The following ERBB4 variants were observed in gnomAD, a reference collection of about 807,000 sequenced individuals.
The protein encoded by ERBB4 is erb-b2 receptor tyrosine kinase 4.
A neutral mutation model predicts 158.0 loss-of-function variants in ERBB4; 42 were observed. The ratio of observed to expected loss-of-function variants is 0.27; its 90% confidence interval spans 0.21 to 0.34. The LOEUF is 0.34. Ranked by LOEUF, ERBB4 falls within the 10% of genes least tolerant of loss-of-function variation. The pLI is 1.00. For missense variants in ERBB4, 1,333 were observed against 1,624.1 expected (o/e 0.82, Z 3.08); for synonymous variants, 583 against 558.7 (o/e 1.04, Z -0.61).
chr2:211,783,878 C>A (rs2076095128), intron 4 of ERBB4, among the ~76,000 whole-genome samples: 1 of 152,090 alleles, frequency 6.6e-6, no homozygotes, highest in Non-Finnish European at 1.5e-5. Flanking sequence ...ATGATGCTGG[C>A]CTCATAAAAT....
intron 3 of ERBB4, among the ~76,000 whole-genome samples, chr2:211,814,126 C>A (rs1334730940): frequency 6.6e-6 from 1 of 152,052 alleles, no homozygotes; most frequent in Non-Finnish European, 1.5e-5. Context: ...AGTCTAAATA[C>A]AAATATAAAT....
intron 20 of ERBB4, among the ~76,000 whole-genome samples, chr2:211,476,203 C>T (rs1435468447): frequency 5.9e-5 from 9 of 151,992 alleles, no homozygotes; most frequent in Admixed American, 6.6e-5. Flanking sequence ...AGGCTCTGAG[C>T]TTTGGACAGC....
chr2:212,308,332 G>A (rs72947336), intron 1 of ERBB4, among the ~76,000 whole-genome samples: 5,595 of 151,108 alleles, frequency 0.037, 142 homozygotes, highest in South Asian at 0.083. Context: ...GCAGAGGACA[G>A]CAAGAATCCT....
chr2:212,404,995 T>C (rs1464515443), intron 1 of ERBB4, among the ~76,000 whole-genome samples: 1 of 152,112 alleles, frequency 6.6e-6, no homozygotes, highest in African/African-American at 2.4e-5. Context: ...TTCTTTTTTA[T>C]GGCTGCATAA....
intron 20 of ERBB4, among the ~76,000 whole-genome samples, chr2:211,515,587 G>C (rs557643567): frequency 1.2e-4 from 19 of 152,064 alleles, no homozygotes; most frequent in African/African-American, 4.1e-4. Flanking sequence ...GGGGATGTTA[G>C]ATGTTTGGAA....
chr2:212,509,135 G>C (rs367726424), intron 1 of ERBB4, among the ~76,000 whole-genome samples: 27 of 152,098 alleles, frequency 1.8e-4, no homozygotes, highest in African/African-American at 6.5e-4. Flanking sequence ...TTTGCTTCCA[G>C]TATTTTGCCA....
intron 1 of ERBB4, among the ~76,000 whole-genome samples, chr2:212,280,448 G>A (rs1395722989): frequency 2.6e-5 from 4 of 151,694 alleles, no homozygotes; most frequent in Non-Finnish European, 5.9e-5. Context: ...AATGAAGAAT[G>A]AAGTGATTCA....
At chr2:211,887,800 C>T (rs1430097476) in intron 3 of ERBB4, among the ~76,000 whole-genome samples, 2 of 152,244 alleles carry the variant, frequency 1.3e-5, no homozygotes, top group South Asian at 2.1e-4. Flanking sequence ...TCTGCCTCTC[C>T]TAGAACATAA....
rs1307003683 is a variant in ERBB4, at chr2:212,140,850, T to A, written c.83-15947A>T. 3.3e-5 allele frequency among the ~76,000 whole-genome samples: 4 copies of A among 123,074 alleles called. No homozygotes were observed. The East Asian group carries it at 9.8e-4, about 30-fold the overall frequency. 80.7% of individuals were successfully genotyped at this position (123,074 alleles called of 152,430 possible). On this transcript the variant is annotated intron_variant, in intron 1 of 27. Coordinates refer to ENST00000342788, the MANE Select transcript of ERBB4 (RefSeq NM_005235.3). ...CTGAATAGACTAGGAAACATGAGTG[T>A]GTGTGTGTGTGTGTGTGTGTGTGTG...
Position 212,357,786 on chromosome 2 carries a change from T to C in ERBB4, c.82+180663A>G, listed in dbSNP as rs569094062. On this transcript the variant is annotated intron_variant, in intron 1 of 27. Coordinates refer to ENST00000342788, the MANE Select transcript of ERBB4 (RefSeq NM_005235.3). ...TTCAGCCCCACGGTCACTTGGTTAC[T>C]ACATTACACTGCAAGAATATAGTAG... 6.1e-4 allele frequency among the ~76,000 whole-genome samples: 93 copies of C among 152,014 alleles called. 2 individuals carry two copies. In the South Asian group the frequency reaches 0.019, roughly 31 times the overall value.
At chr2:212,173,638 C>T (rs1294166130) in intron 1 of ERBB4, among the ~76,000 whole-genome samples, 1 of 152,126 alleles carries the variant, frequency 6.6e-6, no homozygotes, top group Non-Finnish European at 1.5e-5. Flanking sequence ...AGCAATTTTG[C>T]TTTATTGTCA....
At chr2:211,482,422 G>C (rs927797701) in intron 20 of ERBB4, among the ~76,000 whole-genome samples, 1 of 152,092 alleles carries the variant, frequency 6.6e-6, no homozygotes, top group East Asian at 1.9e-4. Flanking sequence ...GCCTAACAAA[G>C]CTTTTTTAAA....
At chr2:211,518,083 T>C (rs927764511) in intron 20 of ERBB4, among the ~76,000 whole-genome samples, 1 of 152,128 alleles carries the variant, frequency 6.6e-6, no homozygotes, top group African/African-American at 2.4e-5. Context: ...TCCTCATATT[T>C]ATGTAATATG....
intron 20 of ERBB4, among the ~76,000 whole-genome samples, chr2:211,543,140 T>C (rs997341072): frequency 3.3e-5 from 5 of 152,018 alleles, no homozygotes; most frequent in Non-Finnish European, 5.9e-5. Flanking sequence ...TTCTTGATTC[T>C]AGTAGTCCAC....
chr2:211,437,646 G>A (rs1416150917), intron 20 of ERBB4, among the ~76,000 whole-genome samples: 2 of 152,092 alleles, frequency 1.3e-5, no homozygotes, highest in African/African-American at 2.4e-5. Flanking sequence ...TTGGCCATGC[G>A]ACAATTTCAT....
At chr2:211,928,159 G>T (rs1251419197) in intron 3 of ERBB4, among the ~76,000 whole-genome samples, 2 of 152,060 alleles carry the variant, frequency 1.3e-5, no homozygotes, top group African/African-American at 4.8e-5. Flanking sequence ...CAGAAGCAGG[G>T]CACTGATGAT....
intron 4 of ERBB4, among the ~76,000 whole-genome samples, chr2:211,775,778 G>C (rs2075857419): frequency 6.6e-6 from 1 of 152,130 alleles, no homozygotes; most frequent in Non-Finnish European, 1.5e-5. Context: ...AATCCTCCTT[G>C]AGCCCTCAGA....
chr2:212,330,564 G>T (rs940552946), intron 1 of ERBB4, among the ~76,000 whole-genome samples: 1 of 151,900 alleles, frequency 6.6e-6, no homozygotes, highest in Non-Finnish European at 1.5e-5. Context: ...AGTGAGATGA[G>T]ATCACACCAC....
intron 1 of ERBB4, among the ~76,000 whole-genome samples, chr2:212,167,980 A>G (rs982000253): frequency 6.6e-6 from 1 of 151,830 alleles, no homozygotes; most frequent in African/African-American, 2.4e-5. Flanking sequence ...GGATGGGTCA[A>G]TAGGTGCAGC....
Sources: allele counts gnomAD v4.1 joint callset (sites outside exome capture counted in the v4.1 genomes callset), GRCh38; gene constraint gnomAD v4.1.1; transcripts MANE v1.5; gene names NCBI Gene and HGNC (gene_info 2026-07-23, HGNC 2026-07-21).